The following ASTN2 variants were observed in gnomAD, a reference collection of about 807,000 sequenced individuals.
ASTN2 encodes the protein astrotactin 2.
In ASTN2, 54 loss-of-function variants were observed where a neutral mutation model predicts 139.8. The observed-to-expected ratio is 0.39, with a 90% CI of 0.31 to 0.48. The LOEUF (loss-of-function observed/expected upper bound fraction) is 0.48, where lower values mean the gene tolerates loss of function less well. Among genes scored for constraint, ASTN2 ranks in the 20% least tolerant of loss-of-function variants. The probability of loss-of-function intolerance (pLI) is 0.95; values close to 1 mark genes in which losing one functional copy is unlikely to be tolerated. For missense variants in ASTN2, 1,565 were observed against 1,725.1 expected (o/e 0.91, Z 1.64); for synonymous variants, 756 against 719.5 (o/e 1.05, Z -0.81).
chr9:116,689,113 C>G (rs555005550), intron 16 of ASTN2, among the ~76,000 whole-genome samples: 1 of 152,126 alleles, frequency 6.6e-6, no homozygotes, highest in South Asian at 2.1e-4. Context: ...CCCTTCCCCC[C>G]CGCAGTAAGG....
At chr9:116,701,600 C>G (rs946219647) in intron 16 of ASTN2, among the ~76,000 whole-genome samples, 3 of 152,190 alleles carry the variant, frequency 2.0e-5, no homozygotes, top group Non-Finnish European at 4.4e-5. Context: ...GGCCAGGAAT[C>G]CTCCAGCTGT....
intron 2 of ASTN2, among the ~76,000 whole-genome samples, chr9:117,225,155 G>A (rs988245539): frequency 6.6e-6 from 1 of 151,998 alleles, no homozygotes; most frequent in East Asian, 1.9e-4. Flanking sequence ...TGAAAGAAAG[G>A]ACGAATAAAT....
chr9:116,704,946 G>A (rs938688892), intron 16 of ASTN2, among the ~76,000 whole-genome samples: 29 of 152,248 alleles, frequency 1.9e-4, no homozygotes, highest in African/African-American at 6.5e-4. Context: ...AGGTAGAGAT[G>A]AAATTTTTTT....
intron 19 of ASTN2, among the ~76,000 whole-genome samples, chr9:116,498,549 G>A (rs1485460352): frequency 6.6e-6 from 1 of 151,874 alleles, no homozygotes; most frequent in Non-Finnish European, 1.5e-5. Flanking sequence ...AGTGAGCTGT[G>A]ACTGTGCCAC....
chr9:116,920,600 A>G (rs565752484), intron 10 of ASTN2, among the ~76,000 whole-genome samples: 34 of 152,294 alleles, frequency 2.2e-4, no homozygotes, highest in African/African-American at 7.7e-4. Context: ...TCTTGACCAT[A>G]CATGCATCAT....
intron 1 of ASTN2, among the ~76,000 whole-genome samples, chr9:117,412,659 T>C (rs1268484101): frequency 6.6e-6 from 1 of 152,172 alleles, no homozygotes; most frequent in Non-Finnish European, 1.5e-5. Context: ...GTCTCATCCC[T>C]TCACTTGAAT....
chr9:116,830,216 C>G (rs1053759376), intron 11 of ASTN2, among the ~76,000 whole-genome samples: 3 of 152,110 alleles, frequency 2.0e-5, no homozygotes, highest in Admixed American at 6.6e-5. Flanking sequence ...GAGTGACCCA[C>G]AAACATATGA....
At position 117,256,509 on chromosome 9, in the gene ASTN2, C is replaced by T. The variant is rs542893696; in HGVS notation, c.630+34817G>A. On this transcript the variant is annotated intron_variant, in intron 2 of 22. Coordinates refer to ENST00000313400, the MANE Select transcript of ASTN2 (RefSeq NM_001365068.1). ...CAAGTGAGGCTTAGAGAGATTAAAA[C>T]AGTTGCCAAGATCATACAATCAATG... Among the ~76,000 whole-genome samples the T allele has an allele frequency of 1.8e-4, 28 of 152,292 alleles. No homozygotes were observed. The South Asian group carries it at 2.9e-3, about 16-fold the overall frequency.
At chr9:117,242,919 A>C (rs950299196) in intron 2 of ASTN2, among the ~76,000 whole-genome samples, 8 of 152,220 alleles carry the variant, frequency 5.3e-5, no homozygotes, top group Admixed American at 3.3e-4. Context: ...TTGCTTGTTG[A>C]TTCCTGCATT....
intron 16 of ASTN2, among the ~76,000 whole-genome samples, chr9:116,662,215 T>C (rs752093519): frequency 2.0e-5 from 3 of 152,022 alleles, no homozygotes; most frequent in Non-Finnish European, 4.4e-5. Context: ...TTCTTCCTCA[T>C]AGTAGTCTCT....
At chr9:116,892,981 G>T (rs3849139) in intron 10 of ASTN2, among the ~76,000 whole-genome samples, 1 of 151,974 alleles carries the variant, frequency 6.6e-6, no homozygotes, top group African/African-American at 2.4e-5. Flanking sequence ...TCCCATGGCC[G>T]ATGGCACTTA....
At chr9:116,664,279 CT>C (rs1270237542) in intron 16 of ASTN2, among the ~76,000 whole-genome samples, 2 of 151,718 alleles carry the variant, frequency 1.3e-5, no homozygotes, top group African/African-American at 4.8e-5. Flanking sequence ...CAGGGCCTCA[CT>C]ATGTTGCCTA....
intron 2 of ASTN2, among the ~76,000 whole-genome samples, chr9:117,215,871 A>G (rs4838294): frequency 0.95 from 144,304 of 152,226 alleles, 68,622 homozygotes; most frequent in Non-Finnish European, 0.99. Context: ...GTCAGGAGGA[A>G]TCACCCTTGT....
chr9:116,859,310 A>G (rs1832818891), intron 11 of ASTN2, among the ~76,000 whole-genome samples: 1 of 152,306 alleles, frequency 6.6e-6, no homozygotes, highest in Non-Finnish European at 1.5e-5. Flanking sequence ...TATTTTGCCT[A>G]CTACACATCT....
chr9:117,152,482 T>C (rs1313680185), intron 3 of ASTN2, among the ~76,000 whole-genome samples: 2 of 152,172 alleles, frequency 1.3e-5, no homozygotes, highest in African/African-American at 2.4e-5. Flanking sequence ...GCTGCAACAT[T>C]AATTCCAAAG....
intron 19 of ASTN2, among the ~76,000 whole-genome samples, chr9:116,532,876 T>C (rs931806983): frequency 6.6e-6 from 1 of 152,208 alleles, no homozygotes; most frequent in African/African-American, 2.4e-5. Flanking sequence ...AACTTTAAAG[T>C]AGTTTTTCCA....
intron 2 of ASTN2, among the ~76,000 whole-genome samples, chr9:117,283,359 T>C (rs978410436): frequency 1.3e-5 from 2 of 152,230 alleles, no homozygotes; most frequent in African/African-American, 2.4e-5. Context: ...ACAAGGTTCA[T>C]GTGACTTAAA....
intron 10 of ASTN2, among the ~76,000 whole-genome samples, chr9:116,904,391 T>A (rs920822325): frequency 6.6e-5 from 10 of 152,126 alleles, no homozygotes; most frequent in African/African-American, 2.4e-4. Context: ...AGAATGACAC[T>A]CACAGTCTGG....
At chr9:117,094,870 T>A (rs1828800522) in intron 5 of ASTN2, among the ~76,000 whole-genome samples, 1 of 152,164 alleles carries the variant, frequency 6.6e-6, no homozygotes, top group African/African-American at 2.4e-5. Context: ...AGTTACAAGG[T>A]ACAGCTTGTA....
Sources: allele counts gnomAD v4.1 joint callset (sites outside exome capture counted in the v4.1 genomes callset), GRCh38; gene constraint gnomAD v4.1.1; transcripts MANE v1.5; gene names NCBI Gene and HGNC (gene_info 2026-07-23, HGNC 2026-07-21).